ATF6: variants seen among roughly 807,000 people sequenced by gnomAD.
ATF6 encodes the protein activating transcription factor 6, also known as cyclic AMP-dependent transcription factor ATF-6 alpha.
ATF6 carries 53 observed loss-of-function variants against 83.6 expected under a neutral mutation model. The observed-to-expected ratio is 0.63, with a 90% confidence interval of 0.51 to 0.80. The LOEUF is 0.80. Among genes scored for constraint, ATF6 ranks in the 30% least tolerant of loss-of-function variants. The pLI is 0.00. For synonymous variants in ATF6, 288 were observed against 285.8 expected, an observed-to-expected ratio of 1.01 and a Z score of -0.08; for missense variants, 744 against 797.9, an observed-to-expected ratio of 0.93 and a Z score of 0.81.
At chr1:161,888,395 A>G (rs993402744) in intron 14 of ATF6, among the ~76,000 whole-genome samples, 1 of 152,178 alleles carries the variant, frequency 6.6e-6, no homozygotes, top group Admixed American at 6.5e-5. Flanking sequence ...ATTTGGGAAA[A>G]TTGTGGTCAA....
At position 161,832,892 on chromosome 1, in the gene ATF6, G is replaced by C. The variant is rs566272175; in HGVS notation, c.1187+11731G>C. Among the ~76,000 whole-genome samples, 453 of 152,360 alleles carry C rather than the reference G, an allele frequency of 3.0e-3. 3 individuals are homozygous for C. The highest frequency in any genetic ancestry group is 0.02 in the Middle Eastern group (6 of 294). Reference sequence around the variant, plus strand: ...CAGACTTAAATGTCCCTGTCTGACAGCTTTGAAGAGAGTAGTGGTTCTCCC... The same window carrying C: ...CAGACTTAAATGTCCCTGTCTGACACCTTTGAAGAGAGTAGTGGTTCTCCC... On this transcript the variant is annotated intron_variant, in intron 9 of 15. Coordinates refer to ENST00000367942, the MANE Select transcript of ATF6 (RefSeq NM_007348.4).
In ATF6 at chr1:161,863,371, A is replaced by C. The variant is rs1402821994; in HGVS notation, c.1719+59A>C. ...TTTGAGTGCTTGCCGTACACAAGAC[A>C]TTGGGCTGAATATTGTGGAAAATAC... is the stretch of plus-strand genomic sequence containing the variant. On this transcript the variant is annotated intron_variant, in intron 14 of 15. Transcript: ENST00000367942. 5.6e-6 allele frequency: 6 copies of C among 1,065,338 alleles called. No homozygotes were observed. In the Admixed American group the frequency reaches 8.8e-5, roughly 16 times the overall value. The allele number at this position is 1,065,338 out of a possible 1,614,324, so 66.0% of individuals were successfully genotyped here.
Position 161,958,433 on chromosome 1 carries a change from T to G in ATF6, c.1805-13T>G, listed in dbSNP as rs1689011527. The G allele has an allele frequency of 2.2e-5, 35 of 1,585,448 alleles. No individual in the cohort carries two copies. Among genetic ancestry groups the G allele is most frequent in the Non-Finnish European group, 3.0e-5 (35 of 1,164,976 alleles). On this transcript the variant is annotated splice_polypyrimidine_tract_variant and intron_variant, in intron 15 of 15. Coordinates refer to ENST00000367942, the MANE Select transcript of ATF6 (RefSeq NM_007348.4). Reference sequence around the variant, plus strand: ...GTTGAATATTTATTCTTTGTGTATATTCCTGTCTGCAGAGAATGTGATCAA... The same window carrying G: ...GTTGAATATTTATTCTTTGTGTATAGTCCTGTCTGCAGAGAATGTGATCAA...
At chr1:161,798,174 A>G (rs1685064734) in intron 6 of ATF6, among the ~76,000 whole-genome samples, 1 of 152,242 alleles carries the variant, frequency 6.6e-6, no homozygotes, top group African/African-American at 2.4e-5. Flanking sequence ...GATGGATGAA[A>G]GACTTAAATG....
intron 14 of ATF6, among the ~76,000 whole-genome samples, chr1:161,880,203 A>G (rs1687293086): frequency 6.6e-6 from 1 of 152,156 alleles, no homozygotes; most frequent in Admixed American, 6.5e-5. Flanking sequence ...GTGAAATTTT[A>G]TGTGCCATGC....
chr1:161,935,889 A>G (rs1416503245), intron 15 of ATF6, among the ~76,000 whole-genome samples: 1 of 152,178 alleles, frequency 6.6e-6, no homozygotes, highest in Non-Finnish European at 1.5e-5. Context: ...CCTTTTTCAG[A>G]CAGTTATAAA....
At chr1:161,819,895 TTTAAA>T (rs1269954977) in intron 8 of ATF6, 77 bp downstream of exon 8, 1 of 1,273,608 alleles carries the variant, frequency 7.9e-7, no homozygotes, top group Non-Finnish European at 1.0e-6. Flanking sequence ...ACTTTTACAT[TTTAAA>T]TTAAATTATG....
At chr1:161,809,257 A>G (rs373099339) in intron 7 of ATF6, among the ~76,000 whole-genome samples, 10 of 148,984 alleles carry the variant, frequency 6.7e-5, no homozygotes, top group Admixed American at 2.0e-4. Flanking sequence ...AAGTGTTCTC[A>G]TTGTTCAATT....
chr1:161,885,797 G>T (rs1337536756), intron 14 of ATF6, among the ~76,000 whole-genome samples: 1 of 152,026 alleles, frequency 6.6e-6, no homozygotes, highest in Admixed American at 6.5e-5. Context: ...TAAAATCCTT[G>T]TTCTCAAGGA....
At chr1:161,889,935 C>G (rs1687511445) in intron 14 of ATF6, among the ~76,000 whole-genome samples, 1 of 152,156 alleles carries the variant, frequency 6.6e-6, no homozygotes, top group Non-Finnish European at 1.5e-5. Context: ...TTCAAACTTA[C>G]AGAAAAGTCA....
chr1:161,801,934 T>C, intron 6 of ATF6, 118 bp from the exon 7 acceptor site: 1 of 830,232 alleles, frequency 1.2e-6, no homozygotes, highest in Non-Finnish European at 1.9e-6. Flanking sequence ...ATTGATGGTG[T>C]CCAATCCCTT....
intron 1 of ATF6, among the ~76,000 whole-genome samples, chr1:161,769,090 T>C (rs1190821352): frequency 2.6e-5 from 4 of 152,198 alleles, no homozygotes; most frequent in Admixed American, 6.5e-5. Flanking sequence ...AGTAAATATT[T>C]TAGGCTTTGT....
chr1:161,852,420 A>G (rs962150967), intron 11 of ATF6, among the ~76,000 whole-genome samples: 4 of 151,462 alleles, frequency 2.6e-5, no homozygotes, highest in Admixed American at 6.6e-5. Flanking sequence ...AAAAATTTGA[A>G]TTTTTTTTTA....
chr1:161,848,074 A>G lies in ATF6; in HGVS notation c.1319+1494A>G, dbSNP rs1686525175. ...TTTTTTCCCTCCCTTCTCCAAAGTC[A>G]CCATTGAGTGAATAATCTGGGTTAC... is the stretch of plus-strand genomic sequence containing the variant. On this transcript the variant is annotated intron_variant, in intron 10 of 15. Transcript: ENST00000367942. 3.3e-5 allele frequency among the ~76,000 whole-genome samples: 5 copies of G among 151,880 alleles called. No individual in the cohort carries two copies. The South Asian group carries it at 1.0e-3, about 32-fold the overall frequency.
At chr1:161,910,544 G>A (rs1687970518) in intron 14 of ATF6, among the ~76,000 whole-genome samples, 1 of 152,196 alleles carries the variant, frequency 6.6e-6, no homozygotes, top group South Asian at 2.1e-4. Flanking sequence ...TATGGCATCT[G>A]TATCTTAGCA....
chr1:161,807,680 A>G (rs1414279785), intron 7 of ATF6, among the ~76,000 whole-genome samples: 1 of 152,104 alleles, frequency 6.6e-6, no homozygotes, highest in Non-Finnish European at 1.5e-5. Flanking sequence ...TGGAGCTTCT[A>G]AAAATTTATC....
intron 15 of ATF6, among the ~76,000 whole-genome samples, chr1:161,939,730 A>G (rs1688607252): frequency 6.6e-6 from 1 of 152,220 alleles, no homozygotes; most frequent in Non-Finnish European, 1.5e-5. Context: ...GGAAGTGAGA[A>G]CGTATCCCTT....
chr1:161,782,290 G>C (rs1217271853), intron 3 of ATF6, among the ~76,000 whole-genome samples: 1 of 152,214 alleles, frequency 6.6e-6, no homozygotes, highest in Non-Finnish European at 1.5e-5. Context: ...ATTAACCTGA[G>C]AACCAGACAG....
chr1:161,821,239 C>A, intron 9 of ATF6, 78 bp downstream of exon 9: 3 of 987,422 alleles, frequency 3.0e-6, no homozygotes, highest in Non-Finnish European at 4.5e-6. Context: ...TTGTCATAAA[C>A]TAGAGAAAAA....
Sources: gnomAD v4.1 joint callset for allele counts (sites outside exome capture counted in the v4.1 genomes callset) on GRCh38, gnomAD v4.1.1 for gene constraint, MANE v1.5 for transcripts, NCBI Gene and HGNC (gene_info 2026-07-23, HGNC 2026-07-21) for gene names.